Variants in RPS6KC1 observed in about 807,000 individuals in gnomAD.
The protein encoded by RPS6KC1 is ribosomal protein S6 kinase C1, also known as inactive ribosomal protein S6 kinase delta-1.
Under a neutral mutation model 103.8 loss-of-function variants are expected in RPS6KC1, and 54 were observed. The observed-to-expected ratio is 0.52, with a 90% CI of 0.42 to 0.65. The LOEUF is 0.65. Among genes scored for constraint, RPS6KC1 ranks in the 30% least tolerant of loss-of-function variants. RPS6KC1 has a pLI of 0.00. For missense variants in RPS6KC1, 1,151 were observed against 1,253.8 expected, an observed-to-expected ratio of 0.92 and a Z score of 1.24; for synonymous variants, 439 against 438.7, an observed-to-expected ratio of 1.00 and a Z score of -0.01.
the RPS6KC1 span, among the ~76,000 whole-genome samples, chr1:213,577,973 C>A: frequency 1.3e-5 from 2 of 152,194 alleles, no homozygotes; most frequent in South Asian, 4.1e-4. Flanking sequence ...GAAAATGTCT[C>A]CAGGGCATGT....
chr1:213,333,477 A>G, the RPS6KC1 span, among the ~76,000 whole-genome samples: 10 of 151,816 alleles, frequency 6.6e-5, no homozygotes, highest in Admixed American at 6.6e-4. Context: ...AGAACGATCA[A>G]CCCCAGTGAT....
chr1:213,151,721 G>A (rs570421604), intron 6 of RPS6KC1, among the ~76,000 whole-genome samples: 1,700 of 122,942 alleles, frequency 0.014, 116 homozygotes, highest in African/African-American at 0.058. Context: ...CTGGCCGGGC[G>A]GGGGGCTGAC....
the RPS6KC1 span, among the ~76,000 whole-genome samples, chr1:213,612,097 C>T: frequency 6.6e-6 from 1 of 152,200 alleles, no homozygotes; most frequent in Non-Finnish European, 1.5e-5. Flanking sequence ...GCCCCTCAGC[C>T]AGAAGCATCA....
the RPS6KC1 span, among the ~76,000 whole-genome samples, chr1:213,393,655 T>C: frequency 6.6e-6 from 1 of 152,214 alleles, no homozygotes; most frequent in African/African-American, 2.4e-5. Flanking sequence ...GAAATGACTA[T>C]GAGATTGTCA....
chr1:213,248,493 G>A (rs1436661964), intron 12 of RPS6KC1, among the ~76,000 whole-genome samples: 2 of 152,084 alleles, frequency 1.3e-5, no homozygotes, highest in Non-Finnish European at 2.9e-5. Context: ...ATAGAATAGT[G>A]AGACTTTTCC....
At chr1:213,363,179 G>A in the RPS6KC1 span, among the ~76,000 whole-genome samples, 1 of 151,964 alleles carries the variant, frequency 6.6e-6, no homozygotes, top group Non-Finnish European at 1.5e-5. Context: ...TTCCTCGGTG[G>A]GTCAGTTAAT....
the RPS6KC1 span, among the ~76,000 whole-genome samples, chr1:213,487,589 G>A: frequency 1.3e-5 from 2 of 151,836 alleles, no homozygotes; most frequent in Non-Finnish European, 2.9e-5. Context: ...ATCCTACAAG[G>A]CCCTGCTCAG....
At chr1:213,556,703 C>A in the RPS6KC1 span, among the ~76,000 whole-genome samples, 2 of 152,190 alleles carry the variant, frequency 1.3e-5, no homozygotes, top group African/African-American at 4.8e-5. Context: ...TTATCATCAT[C>A]TAAAAAGCAT....
chr1:213,703,045 G>A, the RPS6KC1 span, among the ~76,000 whole-genome samples: 4 of 151,816 alleles, frequency 2.6e-5, no homozygotes, highest in Non-Finnish European at 5.9e-5. Flanking sequence ...TAGTACAAGT[G>A]ATTTTCTCTG....
chr1:213,279,393 G>T (rs970660333), downstream of RPS6KC1, among the ~76,000 whole-genome samples: 4 of 152,166 alleles, frequency 2.6e-5, no homozygotes, highest in African/African-American at 9.6e-5. Context: ...GGAGATTATG[G>T]ACTGTTGTTT....
the RPS6KC1 span, among the ~76,000 whole-genome samples, chr1:213,357,848 G>A: frequency 4.6e-5 from 7 of 152,338 alleles, no homozygotes; most frequent in Admixed American, 3.3e-4. Context: ...TGGCTCTTGT[G>A]TGGCGGGACC....
the RPS6KC1 span, among the ~76,000 whole-genome samples, chr1:213,378,978 C>T: frequency 1.3e-5 from 2 of 152,124 alleles, no homozygotes; most frequent in South Asian, 2.1e-4. Context: ...AGAGAGTTCC[C>T]TGCTAGGGTC....
chr1:213,535,859 C>T, the RPS6KC1 span, among the ~76,000 whole-genome samples: 1 of 152,048 alleles, frequency 6.6e-6, no homozygotes, highest in Non-Finnish European at 1.5e-5. Flanking sequence ...CATGCTCATT[C>T]CTGAACCAAT....
At chr1:213,670,061 T>C in the RPS6KC1 span, among the ~76,000 whole-genome samples, 4 of 152,314 alleles carry the variant, frequency 2.6e-5, no homozygotes, top group South Asian at 8.3e-4. Context: ...TTATGGGTTT[T>C]AGTTTTGTCA....
At chr1:213,342,354 G>A in the RPS6KC1 span, among the ~76,000 whole-genome samples, 71 of 152,242 alleles carry the variant, frequency 4.7e-4, no homozygotes, top group African/African-American at 1.5e-3. Context: ...TTATTGACCA[G>A]ATTTATATAT....
chr1:213,064,398 A>C (rs1397122680), intron 1 of RPS6KC1, among the ~76,000 whole-genome samples: 12 of 111,798 alleles, frequency 1.1e-4, no homozygotes, highest in East Asian at 2.7e-4. Flanking sequence ...GGGTTGTTTC[A>C]CTCTTGTTGC....
chr1:213,402,958 CAAAAAAA>C, the RPS6KC1 span, among the ~76,000 whole-genome samples: 2 of 111,518 alleles, frequency 1.8e-5, no homozygotes, highest in East Asian at 2.7e-4. Context: ...ACTAAAAATA[CAAAAAAA>C]AAAAAAAAAA....
At chr1:213,191,309 A>G (rs1196417206) in intron 8 of RPS6KC1, among the ~76,000 whole-genome samples, 1 of 152,090 alleles carries the variant, frequency 6.6e-6, no homozygotes, top group Non-Finnish European at 1.5e-5. Flanking sequence ...GTGTGTCTTC[A>G]ATTTTCTTGC....
chr1:213,154,423 A>G (rs1572892238), intron 6 of RPS6KC1, among the ~76,000 whole-genome samples: 1 of 152,152 alleles, frequency 6.6e-6, no homozygotes, highest in South Asian at 2.1e-4. Context: ...TTAGAAGTCT[A>G]CCCGGTGTTA....
Sources: gnomAD v4.1 joint callset for allele counts (sites outside exome capture counted in the v4.1 genomes callset) on GRCh38, gnomAD v4.1.1 for gene constraint, MANE v1.5 for transcripts, NCBI Gene and HGNC (gene_info 2026-07-23, HGNC 2026-07-21) for gene names.